TACC2: variants seen among roughly 807,000 people sequenced by gnomAD.
The protein encoded by TACC2 is transforming acidic coiled-coil-containing protein 2.
TACC2 carries 137 observed loss-of-function variants against 227.3 expected under a neutral mutation model. That is an observed-to-expected ratio of 0.60 (90% confidence interval 0.52 to 0.69). The LOEUF (loss-of-function observed/expected upper bound fraction) is 0.69, where lower values mean the gene tolerates loss of function less well. Ranked by LOEUF, TACC2 falls within the 30% of genes least tolerant of loss-of-function variation. TACC2 has a pLI of 0.00. For synonymous variants in TACC2, 1,523 were observed against 1,487.5 expected (o/e 1.02, Z -0.55); for missense variants, 3,470 against 3,694.4 (o/e 0.94, Z 1.57).
At chr10:122,159,760 T>G (rs2092707733) in intron 7 of TACC2, among the ~76,000 whole-genome samples, 1 of 152,190 alleles carries the variant, frequency 6.6e-6, no homozygotes, top group Non-Finnish European at 1.5e-5. Flanking sequence ...TTTACATTCT[T>G]AGCTCCTCCA....
At chr10:122,058,349 C>A (rs964254588) in intron 3 of TACC2, among the ~76,000 whole-genome samples, 1 of 152,118 alleles carries the variant, frequency 6.6e-6, no homozygotes, top group Non-Finnish European at 1.5e-5. Flanking sequence ...AGCGCGGAAG[C>A]GCTTCTGTCA....
intron 20 of TACC2, 79 bp from the exon 21 acceptor site, chr10:122,248,971 G>A (rs1233576199): frequency 3.4e-5 from 51 of 1,502,506 alleles, no homozygotes; most frequent in South Asian, 1.7e-4. Context: ...ACCTGCATCC[G>A]AGAGTTCCTG....
At chr10:122,123,997 A>G (rs1315477875) in intron 5 of TACC2, among the ~76,000 whole-genome samples, 7 of 151,940 alleles carry the variant, frequency 4.6e-5, no homozygotes, top group Non-Finnish European at 5.9e-5. Context: ...TATTTTTAGT[A>G]GAGATGGGGT....
chr10:122,192,642 T>C (rs2094446936), intron 7 of TACC2: 1 of 452,508 alleles, frequency 2.2e-6, no homozygotes, highest in South Asian at 1.6e-5. Flanking sequence ...GAATTAGGGG[T>C]GGGAATTTGG....
At position 122,205,854 on chromosome 10, in the gene TACC2, A is replaced by C. The variant is rs1202524796; in HGVS notation, c.5972-4543A>C. On this transcript the variant is annotated intron_variant, in intron 8 of 22. Coordinates refer to ENST00000369005, the MANE Select transcript of TACC2 (RefSeq NM_206862.4). This position sits in a 1 kb window ranked among gnomAD's most constrained non-coding sequence, Gnocchi z 4.5. ...GCAACCAGCAAACTGCCACAGAAAG[A>C]CCAAGTACTGCTTTGTATCTCGTTA... 6.6e-6 allele frequency among the ~76,000 whole-genome samples: 1 copy of C among 152,222 alleles called. No homozygotes were observed. The highest frequency in any genetic ancestry group is 1.5e-5 in the Non-Finnish European group (1 of 68,040).
At position 122,194,981 on chromosome 10, in the gene TACC2, G is replaced by A. The variant is rs905933716; in HGVS notation, c.5835-59G>A. ...TGGCTCTGGGTGCGAAGGCCACACC[G>A]GCTCAGCAGAACTGGCTCTGGGCCC... On this transcript the variant is annotated intron_variant, in intron 7 of 22. Coordinates refer to ENST00000369005, the MANE Select transcript of TACC2 (RefSeq NM_206862.4). This position sits in a 1 kb window ranked among gnomAD's most constrained non-coding sequence, Gnocchi z 4.4. The A allele has an allele frequency of 3.6e-5, 55 of 1,546,772 alleles. No individual in the cohort carries two copies. The African/African-American group carries it at 4.9e-4, about 14-fold the overall frequency.
At chr10:122,216,167 T>C (rs2095401473) in intron 10 of TACC2, among the ~76,000 whole-genome samples, 2 of 152,128 alleles carry the variant, frequency 1.3e-5, no homozygotes, top group Admixed American at 1.3e-4. Flanking sequence ...TCCTGACCTC[T>C]CTAGGTTCCC....
At chr10:122,158,015 C>T (rs1316528624) in intron 7 of TACC2, among the ~76,000 whole-genome samples, 3 of 128,984 alleles carry the variant, frequency 2.3e-5, no homozygotes, top group Non-Finnish European at 5.3e-5. Context: ...GCCTTCCTCC[C>T]TCCTTCCCTC....
At chr10:121,994,090 G>T (rs1182644450) in intron 1 of TACC2, among the ~76,000 whole-genome samples, 6 of 152,100 alleles carry the variant, frequency 3.9e-5, no homozygotes, top group Admixed American at 3.9e-4. Flanking sequence ...TTGTATGATT[G>T]CATCTTTAAT....
intron 7 of TACC2, among the ~76,000 whole-genome samples, chr10:122,178,078 C>G (rs941093199): frequency 3.9e-5 from 6 of 152,158 alleles, no homozygotes; most frequent in Admixed American, 6.5e-5. Flanking sequence ...AAATTTATTT[C>G]TAACAGTTTT....
intron 2 of TACC2, among the ~76,000 whole-genome samples, chr10:122,029,905 C>T (rs1193759181): frequency 3.6e-5 from 1 of 28,000 alleles, no homozygotes; most frequent in Admixed American, 4.9e-4. Context: ...CAAGATAGAG[C>T]GGTGGGCAGG....
chr10:122,207,395 G>A (rs1317019628), intron 8 of TACC2, among the ~76,000 whole-genome samples: 3 of 152,164 alleles, frequency 2.0e-5, no homozygotes, highest in Non-Finnish European at 4.4e-5. Context: ...GGAGCAGCCT[G>A]CTCTGGTAAC....
chr10:121,995,240 G>A (rs1188906281), intron 1 of TACC2, among the ~76,000 whole-genome samples: 1 of 152,200 alleles, frequency 6.6e-6, no homozygotes, highest in East Asian at 1.9e-4. Context: ...TTGAGCCGCC[G>A]TGTGATCTTG....
At chr10:122,157,559 C>G (rs2092568084) in intron 7 of TACC2, among the ~76,000 whole-genome samples, 1 of 151,344 alleles carries the variant, frequency 6.6e-6, no homozygotes, top group Non-Finnish European at 1.5e-5. Context: ...AATCATGTAA[C>G]TGATCATAGT....
In TACC2 at chr10:122,120,054, G is replaced by A. The variant is rs113505152; in HGVS notation, c.5574-12555G>A. 7.2e-3 allele frequency among the ~76,000 whole-genome samples: 1,104 copies of A among 152,302 alleles called. 15 individuals are homozygous for A. The highest frequency in any genetic ancestry group is 0.024 in the African/African-American group (1,009 of 41,554). The stretch of plus-strand genomic sequence containing the variant: ...GGTCCTTGGGCTCATTAATCCCAAA[G>A]GATGCGGAAACAACAGTAGTCCAAT... On this transcript the variant is annotated intron_variant, in intron 5 of 22. Coordinates refer to ENST00000369005, the MANE Select transcript of TACC2 (RefSeq NM_206862.4).
chr10:122,065,384 TTACTCATGGACTATTCAGAAATGTG>T (rs1458259991), intron 3 of TACC2, among the ~76,000 whole-genome samples: 2 of 152,244 alleles, frequency 1.3e-5, no homozygotes, highest in Non-Finnish European at 2.9e-5. Flanking sequence ...CTTTCTTCTT[TTACTCATGGACTATTCAGAAATGTG>T]TTATTGTTTC....
chr10:122,085,974 C>A lies in TACC2; in HGVS notation c.3474C>A (p.Gly1158=), dbSNP rs777754404. The part of the protein sequence containing the change: ...EKPGEATLSC[G]LLQTEHCLTS... Reference sequence around the variant, plus strand: ...CTGGAGAAGCTACTTTGAGTTGTGGCCTCCTTCAGACTGAGCACTGCCTTA... The same window carrying A: ...CTGGAGAAGCTACTTTGAGTTGTGGACTCCTTCAGACTGAGCACTGCCTTA... Residue 1158 remains glycine (G), a synonymous_variant, in exon 4 of 23, where the codon GGC becomes GGA. Transcript: ENST00000369005. 2 of 1,613,914 alleles carry A rather than the reference C, an allele frequency of 1.2e-6. No individual in the cohort carries two copies. The highest frequency in any genetic ancestry group is 8.5e-7 in the Non-Finnish European group (1 of 1,179,990).
intron 1 of TACC2, among the ~76,000 whole-genome samples, chr10:121,996,924 C>G (rs1337716436): frequency 6.6e-6 from 1 of 151,910 alleles, no homozygotes; most frequent in African/African-American, 2.4e-5. Flanking sequence ...AAGGAGAAGA[C>G]CAGGCTAGAA....
At position 122,229,394 on chromosome 10, in the gene TACC2, C is replaced by G. The variant is rs1430780689; in HGVS notation, c.7945C>G (p.Leu2649Val). The G allele has an allele frequency of 1.2e-6, 2 of 1,614,054 alleles. No individual in the cohort carries two copies. Among genetic ancestry groups the G allele is most frequent in the Non-Finnish European group, 1.7e-6 (2 of 1,180,020 alleles). Residue 2649 changes from leucine (L) to valine (V), a missense_variant, in exon 15 of 23, where the codon CTA becomes GTA. Leu to Val is a conservative substitution (Grantham distance 32, BLOSUM62 1). Coordinates refer to ENST00000369005, the MANE Select transcript of TACC2 (RefSeq NM_206862.4). Reference sequence around the variant, plus strand: ...CTCTGCTGACGCCCTCCTCAGCAGGCTAGCTCACCCCGTCTCTCTCTGTGG... The same window carrying G: ...CTCTGCTGACGCCCTCCTCAGCAGGGTAGCTCACCCCGTCTCTCTCTGTGG... ...FASADALLSRLAHPVSLCGAL... is the reference protein window; with the variant it reads ...FASADALLSRVAHPVSLCGAL...
Sources: gnomAD v4.1 joint callset for allele counts (sites outside exome capture counted in the v4.1 genomes callset) on GRCh38, gnomAD v4.1.1 for gene constraint, Gnocchi (gnomAD v3.1) non-coding constraint, MANE v1.5 for transcripts, NCBI Gene and HGNC (gene_info 2026-07-23, HGNC 2026-07-21) for gene names.